The following TMEM200C variants were observed in gnomAD, a reference collection of about 807,000 sequenced individuals.
TMEM200C encodes the protein transmembrane protein TTMA.
For synonymous variants in TMEM200C, 462 were observed against 324.7 expected, an observed-to-expected ratio of 1.42 and a Z score of -4.55; for missense variants, 966 against 699.9, an observed-to-expected ratio of 1.38 and a Z score of -4.29.
In TMEM200C at chr18:5,891,250, C is replaced by G; in HGVS notation, c.814G>C (p.Ala272Pro). Residue 272 changes from alanine to proline, a missense_variant, in exon 3 of 3, where the codon GCC becomes CCC. Coordinates refer to ENST00000581347, the Ensembl canonical transcript of TMEM200C. The surrounding 1 kb of genome is among the most constrained non-coding windows in gnomAD (Gnocchi z 4.7). ...GCCAGCATCGCCGCCGCTCCGAAGG[C>G]GTCCCCGGAGCCACCGCAGCCCCCG... is the stretch of plus-strand genomic sequence containing the variant. 7.3e-7 allele frequency: 1 copy of G among 1,376,022 alleles called. No individual in the cohort carries two copies. The highest frequency in any genetic ancestry group is 9.4e-7 in the Non-Finnish European group (1 of 1,058,708). 85.2% of individuals were successfully genotyped at this position (1,376,022 alleles called of 1,614,324 possible).
chr18:5,886,194 A>G (rs1305293602), exon 3 of TMEM200C: 1 of 152,150 alleles, frequency 6.6e-6, no homozygotes. Context: ...CTGAAGAAAA[A>G]AATTAATATA....
rs2095170563 is a variant in TMEM200C at position 5,891,240 on chromosome 18, G to A, written c.824C>T (p.Ala275Val). The A allele has an allele frequency of 5.2e-6, 7 of 1,354,908 alleles. No homozygotes were observed. The highest frequency in any genetic ancestry group is 2.9e-5 in the Admixed American group (1 of 33,918). 83.9% of individuals were successfully genotyped at this position (1,354,908 alleles called of 1,614,324 possible). Residue 275 changes from alanine to valine, a missense_variant, in exon 3 of 3, where the codon GCG becomes GTG. Transcript: ENST00000581347. The surrounding 1 kb of genome is among the most constrained non-coding windows in gnomAD (Gnocchi z 4.7). ...CGAGCCCTTGGCCAGCATCGCCGCC[G>A]CTCCGAAGGCGTCCCCGGAGCCACC...
intron 2 of TMEM200C, among the ~76,000 whole-genome samples, chr18:5,893,290 T>A (rs2095172981): frequency 6.6e-6 from 1 of 152,262 alleles, no homozygotes; most frequent in Middle Eastern, 3.4e-3. Context: ...AACTGTTTTG[T>A]TTTGTTTTGT....
At position 5,891,274 on chromosome 18, in the gene TMEM200C, C is replaced by T. The variant is rs1364727619; in HGVS notation, c.790G>A (p.Gly264Arg). The T allele has an allele frequency of 1.4e-6, 2 of 1,408,774 alleles. No homozygotes were observed. Among genetic ancestry groups the T allele is most frequent in the Non-Finnish European group, 1.9e-6 (2 of 1,076,418 alleles). 87.3% of individuals were successfully genotyped at this position (1,408,774 alleles called of 1,614,324 possible). The stretch of plus-strand genomic sequence containing the variant: ...GCGTCCCCGGAGCCACCGCAGCCCC[C>T]GGGCTTCAGCTCCAGGCCCCGCGAC... The change falls in exon 3 of 3, where the codon GGG becomes AGG. Residue 264 changes from glycine to arginine, a missense_variant. Transcript: ENST00000581347. This position sits in a 1 kb window ranked among gnomAD's most constrained non-coding sequence, Gnocchi z 4.7.
chr18:5,890,430 G>C, exon 3 of TMEM200C: 1 of 1,574,634 alleles, frequency 6.4e-7, no homozygotes, highest in Non-Finnish European at 8.7e-7. Context: ...CTCGGTGGAG[G>C]TGCCGGCCTC....
Position 5,891,774 on chromosome 18 carries a change from C to G in TMEM200C, c.290G>C (p.Arg97Pro), listed in dbSNP as rs781427573. ...ACTGCTGTTGGCCGTGGTTGGGACCCGGTGGCTGCTGCCCGCAGGCGGCAG... is the reference window on the plus strand; with the variant it reads ...ACTGCTGTTGGCCGTGGTTGGGACCGGGTGGCTGCTGCCCGCAGGCGGCAG... The change falls in exon 3 of 3, where the codon CGG becomes CCG. Residue 97 changes from arginine (R) to proline (P), a missense_variant. Physicochemically the swap from Arg to Pro is moderately radical, Grantham distance 103. Coordinates refer to ENST00000581347, the Ensembl canonical transcript of TMEM200C. The surrounding 1 kb of genome is among the most constrained non-coding windows in gnomAD (Gnocchi z 4.7). 6.2e-7 allele frequency: 1 copy of G among 1,609,032 alleles called. No individual in the cohort carries two copies. The highest frequency in any genetic ancestry group is 1.1e-5 in the South Asian group (1 of 91,050).
exon 3 of TMEM200C, chr18:5,886,088 T>C (rs759449459): frequency 1.3e-5 from 2 of 152,156 alleles, no homozygotes; most frequent in Non-Finnish European, 2.9e-5. Flanking sequence ...CAAGTCCATA[T>C]ACTTAGTCTG....
chr18:5,890,407 C>A (rs770578061), exon 3 of TMEM200C: 7 of 1,572,380 alleles, frequency 4.5e-6, no homozygotes. Context: ...CCAGCTACTG[C>A]GTCCAAGACC....
At position 5,891,806 on chromosome 18, in the gene TMEM200C, AC is replaced by A; in HGVS notation, c.257del (p.Gly86ValfsTer176). 1.2e-6 allele frequency: 2 copies of A among 1,603,178 alleles called. No homozygotes were observed. Among genetic ancestry groups the A allele is most frequent in the Non-Finnish European group, 8.5e-7 (1 of 1,177,108 alleles). On this transcript the variant is annotated frameshift_variant, in exon 3 of 3. Transcript: ENST00000581347. LOFTEE classifies it low-confidence loss of function (END_TRUNC). The surrounding 1 kb of genome is among the most constrained non-coding windows in gnomAD (Gnocchi z 4.7). The stretch of plus-strand genomic sequence containing the variant: ...TGCTGCCCGCAGGCGGCAGCTGCTT[AC>A]CCCCCTCCCGATTGGTCCCGGTGGC...
exon 3 of TMEM200C, chr18:5,888,229 T>C (rs1293754537): frequency 6.6e-6 from 1 of 152,216 alleles, no homozygotes; most frequent in Non-Finnish European, 1.5e-5. Flanking sequence ...TGTTGAAATT[T>C]AACACTACCT....
exon 3 of TMEM200C, chr18:5,888,061 C>T (rs988936736): frequency 2.6e-5 from 4 of 152,154 alleles, no homozygotes; most frequent in Admixed American, 6.5e-5. Flanking sequence ...GTGCATTCTC[C>T]GAGGACTGGA....
Position 5,890,687 on chromosome 18 carries a change from G to T in TMEM200C, c.1377C>A (p.Pro459=), listed in dbSNP as rs1253273902. The stretch of plus-strand genomic sequence containing the variant: ...GCAAGGCCGCGTACCTGCCGGTCCT[G>T]GGCAGGCGGCCGCCCTGCCCCCTGG... Residue 459 remains proline, a synonymous_variant, in exon 3 of 3, where the codon CCC becomes CCA. Transcript: ENST00000581347. 1.5e-5 allele frequency: 8 copies of T among 542,016 alleles called. No individual in the cohort carries two copies. The South Asian group carries it at 3.6e-4, about 25-fold the overall frequency. 33.6% of individuals were successfully genotyped at this position (542,016 alleles called of 1,614,324 possible).
At chr18:5,887,648 C>G (rs532229412) in exon 3 of TMEM200C, 1 of 152,306 alleles carries the variant, frequency 6.6e-6, no homozygotes, top group South Asian at 2.1e-4. Context: ...AAGAATGATC[C>G]TACTTCAATA....
exon 3 of TMEM200C, chr18:5,887,698 C>T (rs989296543): frequency 7.9e-5 from 12 of 152,188 alleles, no homozygotes; most frequent in African/African-American, 2.9e-4. Context: ...GTGTACCAAG[C>T]TCCTACAATA....
exon 3 of TMEM200C, chr18:5,892,111 C>G (rs777273317): frequency 1.3e-6 from 2 of 1,546,614 alleles, no homozygotes; most frequent in Non-Finnish European, 1.8e-6. Context: ...GAGGCTTGCA[C>G]AGGGAGGGCG....
chr18:5,887,813 A>G (rs894314397), exon 3 of TMEM200C: 2 of 152,228 alleles, frequency 1.3e-5, no homozygotes, highest in African/African-American at 4.8e-5. Context: ...ACTTCCTCTG[A>G]AGTCTAAAGA....
At chr18:5,895,343 C>T (rs1286238065) in exon 2 of TMEM200C, 1 of 151,702 alleles carries the variant, frequency 6.6e-6, no homozygotes, top group Non-Finnish European at 1.5e-5. Flanking sequence ...CGTCCCCTAG[C>T]GCGGCGCTCC....
chr18:5,891,998 G>A lies in TMEM200C; in HGVS notation c.66C>T (p.Ser22=). Residue 22 remains serine, a synonymous_variant, in exon 3 of 3, where the codon AGC becomes AGT. Coordinates refer to ENST00000581347, the Ensembl canonical transcript of TMEM200C. The surrounding 1 kb of genome is among the most constrained non-coding windows in gnomAD (Gnocchi z 4.7). ...CTTTCCGCTTGCGCTTGGGTATCTG[G>A]CTTGGGGGGCGGAGTGGATCCTGCT... The A allele has an allele frequency of 6.2e-7, 1 of 1,613,956 alleles. No individual in the cohort carries two copies. Among genetic ancestry groups the A allele is most frequent in the Non-Finnish European group, 8.5e-7 (1 of 1,179,878 alleles).
exon 3 of TMEM200C, chr18:5,888,591 T>C (rs181619487): frequency 6.6e-6 from 1 of 152,292 alleles, no homozygotes; most frequent in African/African-American, 2.4e-5. Context: ...AGATAATAGG[T>C]GGATATCCCA....
Sources: gnomAD v4.1 joint callset for allele counts (sites outside exome capture counted in the v4.1 genomes callset) on GRCh38, gnomAD v4.1.1 for gene constraint, Gnocchi (gnomAD v3.1) non-coding constraint, MANE v1.5 for transcripts, NCBI Gene and HGNC (gene_info 2026-07-23, HGNC 2026-07-21) for gene names.